Variants in DPP10 observed in about 807,000 individuals in gnomAD.
DPP10 encodes inactive dipeptidyl peptidase 10.
DPP10 carries 33 observed loss-of-function variants against 120.9 expected under a neutral mutation model. That is an observed-to-expected ratio of 0.27 (90% CI 0.21 to 0.37). The LOEUF (loss-of-function observed/expected upper bound fraction) is 0.37. Ranked by LOEUF, DPP10 falls within the 10% of genes least tolerant of loss-of-function variation. DPP10 has a pLI of 1.00. For missense variants in DPP10, 816 were observed against 942.8 expected, an observed-to-expected ratio of 0.87 and a Z score of 1.76; for synonymous variants, 337 against 326.1, an observed-to-expected ratio of 1.03 and a Z score of -0.36.
intron 3 of DPP10, among the ~76,000 whole-genome samples, chr2:115,349,027 T>A (rs2063857237): frequency 6.6e-6 from 1 of 152,164 alleles, no homozygotes; most frequent in South Asian, 2.1e-4. Flanking sequence ...CGATGAGGAA[T>A]AACTGTCAGT....
chr2:114,812,617 C>CACACACACACAA (rs1242566036), intron 1 of DPP10, among the ~76,000 whole-genome samples: 1 of 150,562 alleles, frequency 6.6e-6, no homozygotes, highest in African/African-American at 2.5e-5. Flanking sequence ...CACACACACA[C>CACACACACACAA]AATTATAATT....
intron 1 of DPP10, among the ~76,000 whole-genome samples, chr2:114,780,897 G>A (rs190407293): frequency 2.6e-5 from 4 of 152,092 alleles, no homozygotes; most frequent in Non-Finnish European, 4.4e-5. Flanking sequence ...TGATTGGGAA[G>A]ATTATTCTAT....
chr2:114,535,592 C>T (rs1223770965), intron 1 of DPP10, among the ~76,000 whole-genome samples: 1 of 152,184 alleles, frequency 6.6e-6, no homozygotes, highest in Non-Finnish European at 1.5e-5. Context: ...ATGCTACGAG[C>T]CCCTTATCCA....
At chr2:114,741,379 A>G (rs1678047150) in intron 1 of DPP10, among the ~76,000 whole-genome samples, 1 of 152,134 alleles carries the variant, frequency 6.6e-6, no homozygotes, top group Admixed American at 6.6e-5. Flanking sequence ...GGAGAGCTGG[A>G]TGGGTGCTAA....
intron 5 of DPP10, among the ~76,000 whole-genome samples, chr2:115,662,511 A>C (rs991066013): frequency 1.3e-5 from 2 of 152,106 alleles, no homozygotes; most frequent in Non-Finnish European, 2.9e-5. Context: ...GAAACATACA[A>C]ATAGCAAACG....
At position 115,569,869 on chromosome 2, in the gene DPP10, A is replaced by T. The variant is rs1470761354; in HGVS notation, c.441+43897A>T. ...AATTTTATTACAAATGTGAACTAAA[A>T]CTAATTTGAAATAAAACACTAATAA... On this transcript the variant is annotated intron_variant, in intron 5 of 25. Coordinates refer to ENST00000410059, the MANE Select transcript of DPP10 (RefSeq NM_020868.6). Among the ~76,000 whole-genome samples the T allele has an allele frequency of 4.6e-5, 7 of 152,220 alleles. No individual in the cohort carries two copies. In the East Asian group the frequency reaches 1.3e-3, roughly 29 times the overall value.
intron 1 of DPP10, among the ~76,000 whole-genome samples, chr2:114,792,932 A>G (rs1683373072): frequency 6.6e-6 from 1 of 151,942 alleles, no homozygotes; most frequent in African/African-American, 2.4e-5. Flanking sequence ...ACTCATAGCC[A>G]TGAACAGGAC....
At chr2:115,650,410 AGG>A (rs55765727) in intron 5 of DPP10, among the ~76,000 whole-genome samples, 84 of 129,808 alleles carry the variant, frequency 6.5e-4, no homozygotes, top group African/African-American at 7.5e-4. Flanking sequence ...GCATGGGGAA[AGG>A]GGGGGGGGGA....
At chr2:115,776,781 A>C (rs1291477787) in intron 13 of DPP10, among the ~76,000 whole-genome samples, 1 of 152,150 alleles carries the variant, frequency 6.6e-6, no homozygotes, top group South Asian at 2.1e-4. Flanking sequence ...TAAATGGCAA[A>C]TCTTATAACA....
At chr2:115,830,094 G>A (rs1052934048) in intron 21 of DPP10, among the ~76,000 whole-genome samples, 1 of 152,050 alleles carries the variant, frequency 6.6e-6, no homozygotes. Context: ...AGTGGCTCAT[G>A]CGTGTAATCC....
intron 5 of DPP10, among the ~76,000 whole-genome samples, chr2:115,608,200 C>T (rs539636331): frequency 1.3e-5 from 2 of 151,912 alleles, no homozygotes; most frequent in Non-Finnish European, 2.9e-5. Flanking sequence ...GCAGTCTGGC[C>T]AACATGGTAA....
intron 1 of DPP10, among the ~76,000 whole-genome samples, chr2:114,846,955 A>T (rs959859969): frequency 6.6e-6 from 1 of 152,110 alleles, no homozygotes; most frequent in Non-Finnish European, 1.5e-5. Context: ...AAATTCTTTC[A>T]TTAGCATCAT....
chr2:114,540,165 T>C (rs1686843911), intron 1 of DPP10, among the ~76,000 whole-genome samples: 2 of 152,326 alleles, frequency 1.3e-5, no homozygotes, highest in Middle Eastern at 6.8e-3. Flanking sequence ...AGGTATCAAA[T>C]GCAAAGTGAC....
chr2:114,942,208 G>A (rs1574533632), intron 1 of DPP10, among the ~76,000 whole-genome samples: 2 of 149,802 alleles, frequency 1.3e-5, no homozygotes, highest in South Asian at 2.1e-4. Context: ...GGCAGGTGGA[G>A]CTAGCAGGGA....
chr2:115,226,868 A>G lies in DPP10; in HGVS notation c.61-82371A>G, dbSNP rs557393040. ...TAAGGGACTTACATTTGTATAACCA[A>G]TTGTAATAAATGAAGATTTCCATGA... On this transcript the variant is annotated intron_variant, in intron 1 of 25. Transcript: ENST00000410059. Among the ~76,000 whole-genome samples the G allele has an allele frequency of 2.7e-4, 41 of 152,264 alleles. No individual in the cohort carries two copies. In the South Asian group the frequency reaches 5.8e-3, roughly 22 times the overall value.
At position 115,694,262 on chromosome 2, in the gene DPP10, C is replaced by T. The variant is rs546961647; in HGVS notation, c.576+4341C>T. Among the ~76,000 whole-genome samples, 129 of 85,528 alleles carry T rather than the reference C, an allele frequency of 1.5e-3. 1 individual carries two copies. In the East Asian group the frequency reaches 0.1, roughly 66 times the overall value. 56.1% of individuals were successfully genotyped at this position (85,528 alleles called of 152,430 possible). A position where few individuals can be genotyped will look rare whatever the true frequency, so the allele number is the denominator to read the frequency against. On this transcript the variant is annotated intron_variant, in intron 7 of 25. Coordinates refer to ENST00000410059, the MANE Select transcript of DPP10 (RefSeq NM_020868.6). The stretch of plus-strand genomic sequence containing the variant: ...TGATTTTATTAGAGATGAGTCATTA[C>T]AATACTTTAATTAGTTTTGCATTAA...
intron 3 of DPP10, among the ~76,000 whole-genome samples, chr2:115,419,533 A>C (rs1369225566): frequency 2.0e-5 from 3 of 152,138 alleles, no homozygotes; most frequent in Non-Finnish European, 4.4e-5. Flanking sequence ...GCACCAAGCC[A>C]TTCATGACCC....
chr2:115,401,846 T>C (rs2068094673), intron 3 of DPP10, among the ~76,000 whole-genome samples: 3 of 152,106 alleles, frequency 2.0e-5, no homozygotes, highest in African/African-American at 4.8e-5. Context: ...CAAAAGAGTA[T>C]TGAGTCAATA....
At chr2:115,699,052 A>AAAAC (rs2091760937) in intron 7 of DPP10, among the ~76,000 whole-genome samples, 1 of 143,154 alleles carries the variant, frequency 7.0e-6, no homozygotes, top group African/African-American at 2.5e-5. Flanking sequence ...AAAAAAAACA[A>AAAAC]GAGAAGACTC....
Sources: allele counts gnomAD v4.1 joint callset (sites outside exome capture counted in the v4.1 genomes callset), GRCh38; gene constraint gnomAD v4.1.1; transcripts MANE v1.5; gene names NCBI Gene and HGNC (gene_info 2026-07-23, HGNC 2026-07-21).